Variants in ELMOD1 observed in about 807,000 individuals in gnomAD.
ELMOD1 encodes the protein ELMO domain-containing protein 1.
ELMOD1 carries 21 observed loss-of-function variants against 46.7 expected under a neutral mutation model. That is an observed-to-expected ratio of 0.45 (90% CI 0.32 to 0.65). The LOEUF (loss-of-function observed/expected upper bound fraction) is 0.65. Ranked by LOEUF, ELMOD1 falls within the 30% of genes least tolerant of loss-of-function variation. The probability of loss-of-function intolerance (pLI) is 0.04; values close to 1 mark genes in which losing one functional copy is unlikely to be tolerated. For missense variants in ELMOD1, 348 were observed against 407.8 expected (o/e 0.85, Z 1.26); for synonymous variants, 122 against 138.2 (o/e 0.88, Z 0.82).
chr11:107,593,744 C>T (rs1865445483), intron 1 of ELMOD1, among the ~76,000 whole-genome samples: 1 of 152,184 alleles, frequency 6.6e-6, no homozygotes, highest in Non-Finnish European at 1.5e-5. Flanking sequence ...TTGGTACGAA[C>T]TTATACTACA....
rs1387023059 is a variant in ELMOD1, at chr11:107,666,642, A to G, written c.*1445A>G. ...GTATTTACCATGGCATTTCATACCCATGGTATTTTATACCTTCTGACTATC... is the reference window on the plus strand; with the variant it reads ...GTATTTACCATGGCATTTCATACCCGTGGTATTTTATACCTTCTGACTATC... On this transcript the variant is annotated 3_prime_UTR_variant, in exon 12 of 12. Coordinates refer to ENST00000265840, the MANE Select transcript of ELMOD1 (RefSeq NM_018712.4). 1 of 152,654 alleles carries G rather than the reference A, an allele frequency of 6.6e-6. No homozygotes were observed. The highest frequency in any genetic ancestry group is 1.5e-5 in the Non-Finnish European group (1 of 68,040). The allele number at this position is 152,654 out of a possible 1,614,324, so 9.5% of individuals were successfully genotyped here. A position where few individuals can be genotyped will look rare whatever the true frequency, so the allele number is the denominator to read the frequency against.
intron 9 of ELMOD1, among the ~76,000 whole-genome samples, chr11:107,651,481 G>C (rs1480260978): frequency 6.6e-6 from 1 of 151,934 alleles, no homozygotes; most frequent in East Asian, 1.9e-4. Flanking sequence ...GGTTGAGTTG[G>C]GCTTTTTTTC....
At chr11:107,603,551 C>CCAA (rs1354965617) in intron 1 of ELMOD1, among the ~76,000 whole-genome samples, 16 of 150,050 alleles carry the variant, frequency 1.1e-4, no homozygotes, top group African/African-American at 3.2e-4. Context: ...AAAAACAAAA[C>CCAA]CAACAACAAC....
intron 1 of ELMOD1, chr11:107,592,047 G>C (rs761556607): frequency 1.7e-5 from 8 of 476,232 alleles, no homozygotes; most frequent in Non-Finnish European, 1.8e-5. Flanking sequence ...ACAGCTGACG[G>C]GGCTGTTAAA....
At chr11:107,640,161 G>A (rs1866296931) in intron 6 of ELMOD1, among the ~76,000 whole-genome samples, 1 of 152,158 alleles carries the variant, frequency 6.6e-6, no homozygotes, top group South Asian at 2.1e-4. Context: ...GAGCCACAGC[G>A]CCTGGCTCAA....
At chr11:107,640,406 T>A (rs970260447) in intron 6 of ELMOD1, among the ~76,000 whole-genome samples, 1 of 152,206 alleles carries the variant, frequency 6.6e-6, no homozygotes, top group African/African-American at 2.4e-5. Context: ...CATTTCACTG[T>A]GGACATAAGA....
intron 2 of ELMOD1, chr11:107,623,146 C>T (rs886145139): frequency 2.6e-5 from 4 of 152,096 alleles, no homozygotes; most frequent in African/African-American, 9.7e-5. Flanking sequence ...CCACAACAGG[C>T]CCCGGTGTGT....
At chr11:107,640,212 A>G (rs557613483) in intron 6 of ELMOD1, among the ~76,000 whole-genome samples, 2 of 152,308 alleles carry the variant, frequency 1.3e-5, no homozygotes, top group African/African-American at 2.4e-5. Flanking sequence ...ATTGTACTTC[A>G]TATAAGTATT....
At chr11:107,662,934 G>T (rs954857478) in intron 11 of ELMOD1, among the ~76,000 whole-genome samples, 4 of 151,576 alleles carry the variant, frequency 2.6e-5, no homozygotes, top group African/African-American at 9.7e-5. Flanking sequence ...TTCCTGTGTT[G>T]CCCAGGCTGG....
chr11:107,636,282 A>G (rs1025385391), intron 6 of ELMOD1, among the ~76,000 whole-genome samples: 8 of 152,232 alleles, frequency 5.3e-5, no homozygotes, highest in East Asian at 1.9e-4. Flanking sequence ...CTTCTGGAGA[A>G]ATAATGTGGA....
At chr11:107,593,448 T>C (rs146507517) in intron 1 of ELMOD1, among the ~76,000 whole-genome samples, 1 of 152,330 alleles carries the variant, frequency 6.6e-6, no homozygotes, top group East Asian at 1.9e-4. Context: ...AGTGAAAATG[T>C]CATGTAATAA....
chr11:107,650,410 G>A lies in ELMOD1; in HGVS notation c.623+7G>A. ...CTCTTCATCCGAAATGCAGGTAATT[G>A]TTGAAAGTAAAAGATGAATTAGGTT... On this transcript the variant is annotated splice_region_variant and intron_variant, in intron 8 of 11. Coordinates refer to ENST00000265840, the MANE Select transcript of ELMOD1 (RefSeq NM_018712.4). 6.4e-7 allele frequency: 1 copy of A among 1,571,336 alleles called. No homozygotes were observed. Among genetic ancestry groups the A allele is most frequent in the Non-Finnish European group, 8.7e-7 (1 of 1,154,862 alleles).
chr11:107,591,720 G>T, intron 1 of ELMOD1: 1 of 381,690 alleles, frequency 2.6e-6, no homozygotes, highest in South Asian at 2.0e-5. Context: ...GCGACCTAAC[G>T]CCGAGGGCTC....
At chr11:107,648,833 C>G (rs1030221782) in intron 7 of ELMOD1, among the ~76,000 whole-genome samples, 2 of 151,300 alleles carry the variant, frequency 1.3e-5, no homozygotes, top group Non-Finnish European at 2.9e-5. Flanking sequence ...TTTATTGTAA[C>G]TCAGCTAATT....
At chr11:107,644,108 A>C (rs1866374666) in intron 6 of ELMOD1, among the ~76,000 whole-genome samples, 1 of 152,054 alleles carries the variant, frequency 6.6e-6, no homozygotes, top group Non-Finnish European at 1.5e-5. Flanking sequence ...CCCTGTCTCT[A>C]CTAAAAAATA....
intron 6 of ELMOD1, among the ~76,000 whole-genome samples, chr11:107,646,284 A>G (rs1266635200): frequency 6.6e-6 from 1 of 152,242 alleles, no homozygotes; most frequent in African/African-American, 2.4e-5. Flanking sequence ...ACAATTGTGC[A>G]GTAATGTATT....
At chr11:107,636,549 A>G (rs1866231971) in intron 6 of ELMOD1, among the ~76,000 whole-genome samples, 1 of 152,230 alleles carries the variant, frequency 6.6e-6, no homozygotes, top group South Asian at 2.1e-4. Flanking sequence ...CCTAGAATTC[A>G]TAAAGGCAGT....
chr11:107,637,980 A>G (rs1462567303), intron 6 of ELMOD1, among the ~76,000 whole-genome samples: 3 of 152,144 alleles, frequency 2.0e-5, no homozygotes, highest in Non-Finnish European at 2.9e-5. Context: ...GCATCTTAGC[A>G]TGGCATTTTG....
Position 107,631,400 on chromosome 11 carries a change from C to CG in ELMOD1, c.193-180_193-179insG, listed in dbSNP as rs1210343981. 4.9e-5 allele frequency among the ~76,000 whole-genome samples: 3 copies of CG among 61,170 alleles called. No individual in the cohort carries two copies. In the South Asian group the frequency reaches 1.6e-3, roughly 32 times the overall value. The allele number at this position is 61,170 out of a possible 152,430, so 40.1% of individuals were successfully genotyped here. A position where few individuals can be genotyped will look rare whatever the true frequency, so the allele number is the denominator to read the frequency against. On this transcript the variant is annotated intron_variant, in intron 4 of 11. Coordinates refer to ENST00000265840, the MANE Select transcript of ELMOD1 (RefSeq NM_018712.4). ...AAGTTATCAGGAAAATTGCACTACCCCCCCCCCCATCGTGAAAATGTCAAA... is the reference window on the plus strand; with the variant it reads ...AAGTTATCAGGAAAATTGCACTACCCGCCCCCCCCATCGTGAAAATGTCAAA...
Sources: allele counts gnomAD v4.1 joint callset (sites outside exome capture counted in the v4.1 genomes callset), GRCh38; gene constraint gnomAD v4.1.1; transcripts MANE v1.5; gene names NCBI Gene and HGNC (gene_info 2026-07-23, HGNC 2026-07-21).